The following COL4A2 variants were observed in gnomAD, a reference collection of about 807,000 sequenced individuals.
The protein encoded by COL4A2 is collagen type IV alpha 2 chain, also known as collagen alpha-2(IV) chain.
A neutral mutation model predicts 200.2 loss-of-function variants in COL4A2; 99 were observed. The observed-to-expected ratio is 0.49, with a 90% CI of 0.42 to 0.58. The LOEUF is 0.58. Ranked by LOEUF, COL4A2 falls within the 20% of genes least tolerant of loss-of-function variation. COL4A2 has a pLI of 0.00. For synonymous variants in COL4A2, 897 were observed against 900.6 expected (o/e 1.00, Z 0.07); for missense variants, 1,950 against 2,314.1 (o/e 0.84, Z 3.23).
intron 22 of COL4A2, 168 bp downstream of exon 22, chr13:110,459,102 T>C (rs914357836): frequency 3.3e-6 from 2 of 614,994 alleles, no homozygotes; most frequent in Non-Finnish European, 5.2e-6. Flanking sequence ...AGGCGGACTT[T>C]CTACATGTCC....
chr13:110,511,539 TTG>T (rs1884080813), intron 47 of COL4A2, among the ~76,000 whole-genome samples: 1 of 152,212 alleles, frequency 6.6e-6, no homozygotes, highest in African/African-American at 2.4e-5. Flanking sequence ...AGAGTAAACA[TTG>T]TGTTATCTCT....
Position 110,472,317 on chromosome 13 carries a change from G to T in COL4A2, c.2204-612G>T, listed in dbSNP as rs572797576. Among the ~76,000 whole-genome samples the T allele has an allele frequency of 7.9e-5, 12 of 152,044 alleles. No homozygotes were observed. In the East Asian group the frequency reaches 1.7e-3, roughly 22 times the overall value. On this transcript the variant is annotated intron_variant, in intron 28 of 47. Transcript: ENST00000360467. ...TTTTTAGTAGAGACGAGGTTTCACCGTGTTAGCCAGGATGGTCTCGATCTC... is the reference window on the plus strand; with the variant it reads ...TTTTTAGTAGAGACGAGGTTTCACCTTGTTAGCCAGGATGGTCTCGATCTC...
intron 4 of COL4A2, among the ~76,000 whole-genome samples, chr13:110,388,087 C>T (rs1878835169): frequency 6.6e-6 from 1 of 152,186 alleles, no homozygotes; most frequent in Non-Finnish European, 1.5e-5. Context: ...TAGAGGGAAA[C>T]GCCAAAAGTG....
intron 25 of COL4A2, 139 bp from the exon 26 acceptor site, chr13:110,465,864 T>A (rs374519736): frequency 5.6e-6 from 6 of 1,071,692 alleles, no homozygotes; most frequent in Admixed American, 4.9e-5. Flanking sequence ...GCTTTCCCGT[T>A]CCCTGCCCAT....
At position 110,412,373 on chromosome 13, in the gene COL4A2, C is replaced by G. The variant is rs1289008204; in HGVS notation, c.181-12361C>G. On this transcript the variant is annotated intron_variant, in intron 4 of 47. Coordinates refer to ENST00000360467, the MANE Select transcript of COL4A2 (RefSeq NM_001846.4). ...CTCAAAATCTTTGACATCACTGCCG[C>G]TTGCAAATCTGTGCCTCCAGCCAAG... Among the ~76,000 whole-genome samples, 4 of 152,202 alleles carry G rather than the reference C, an allele frequency of 2.6e-5. No homozygotes were observed. The East Asian group carries it at 7.7e-4, about 29-fold the overall frequency.
intron 4 of COL4A2, among the ~76,000 whole-genome samples, chr13:110,366,717 A>G (rs2139397524): frequency 6.6e-6 from 1 of 152,318 alleles, no homozygotes; most frequent in East Asian, 1.9e-4. Context: ...TCAGAAGGAC[A>G]TGGTTAGTGT....
intron 20 of COL4A2, among the ~76,000 whole-genome samples, chr13:110,451,045 CAAT>C (rs1385661613): frequency 6.6e-6 from 1 of 152,184 alleles, no homozygotes; most frequent in Admixed American, 6.5e-5. Context: ...CCATGAAAGT[CAAT>C]AAAGCCGGCA....
At chr13:110,482,757 AC>A in intron 32 of COL4A2, 98 bp downstream of exon 32, 1 of 1,315,132 alleles carries the variant, frequency 7.6e-7, no homozygotes, top group Non-Finnish European at 1.1e-6. Context: ...ATTTTTGAAA[AC>A]CCATGCATCC....
Position 110,420,891 on chromosome 13 carries a change from C to T in COL4A2, c.181-3843C>T, listed in dbSNP as rs141947274. On this transcript the variant is annotated intron_variant, in intron 4 of 47. Transcript: ENST00000360467. ...AGCAAGGCAGGCTTTACATTGTGCACAGCGGAGAGGGATCCATCTGGGAGG... is the reference window on the plus strand; with the variant it reads ...AGCAAGGCAGGCTTTACATTGTGCATAGCGGAGAGGGATCCATCTGGGAGG... 2.7e-4 allele frequency among the ~76,000 whole-genome samples: 41 copies of T among 152,352 alleles called. 1 individual carries two copies. The East Asian group carries it at 7.1e-3, about 27-fold the overall frequency.
chr13:110,360,865 C>T (rs1273814979), intron 4 of COL4A2, among the ~76,000 whole-genome samples: 1 of 151,582 alleles, frequency 6.6e-6, no homozygotes, highest in East Asian at 2.0e-4. Flanking sequence ...TCTGGCTGTA[C>T]CTGTACCTCT....
intron 3 of COL4A2, among the ~76,000 whole-genome samples, chr13:110,346,177 A>G (rs1230839660): frequency 6.6e-6 from 1 of 152,198 alleles, no homozygotes; most frequent in Non-Finnish European, 1.5e-5. Context: ...ACTTGAAAAG[A>G]AAGAGAACTC....
intron 3 of COL4A2, 59 bp downstream of exon 3, chr13:110,308,182 T>C (rs1884855276): frequency 6.3e-7 from 1 of 1,596,036 alleles, no homozygotes. Context: ...GACGTTTGAG[T>C]GGCCTTGGAG....
At position 110,512,171 on chromosome 13, in the gene COL4A2, G is replaced by T; in HGVS notation, c.5119G>T (p.Val1707Leu). The change falls in exon 48 of 48, where the codon GTG becomes TTG. Residue 1707 changes from valine to leucine, a missense_variant. This residue lies in a region of COL4A2 where 1,385 missense variants were observed against 1,720.5 expected (regional missense o/e 0.80). Coordinates refer to ENST00000360467, the MANE Select transcript of COL4A2 (RefSeq NM_001846.4). ...CCGCACACACATCAGCCGCTGCCAG[G>T]TGTGCATGAAGAACCTGTGAGCCGG... is the stretch of plus-strand genomic sequence containing the variant. ...LIRTHISRCQ[V>L]CMKNL The T allele has an allele frequency of 6.2e-7, 1 of 1,613,048 alleles. No individual in the cohort carries two copies.
At chr13:110,322,488 C>T (rs534829958) in intron 3 of COL4A2, among the ~76,000 whole-genome samples, 3 of 152,250 alleles carry the variant, frequency 2.0e-5, no homozygotes, top group East Asian at 1.9e-4. Flanking sequence ...CCCAGAACTG[C>T]GTGAGATTCC....
At chr13:110,439,758 G>A in intron 15 of COL4A2, 31 bp from the exon 16 acceptor site, 2 of 1,613,790 alleles carry the variant, frequency 1.2e-6, no homozygotes, top group Non-Finnish European at 1.7e-6. Flanking sequence ...CATATTCTGA[G>A]CTGTTTGCTT....
At chr13:110,350,355 A>G (rs1023731718) in intron 3 of COL4A2, among the ~76,000 whole-genome samples, 1 of 152,220 alleles carries the variant, frequency 6.6e-6, no homozygotes, top group Admixed American at 6.5e-5. Flanking sequence ...GAAAAAGAAG[A>G]GCTCTAGAAG....
At chr13:110,469,945 C>T (rs368525174) in intron 28 of COL4A2, among the ~76,000 whole-genome samples, 7 of 123,626 alleles carry the variant, frequency 5.7e-5, no homozygotes, top group Non-Finnish European at 1.1e-4. Flanking sequence ...AATGGAATCT[C>T]GCTCTGTCAC....
At chr13:110,485,960 A>C (rs1883107557) in intron 34 of COL4A2, 124 bp downstream of exon 34, 2 of 1,454,554 alleles carry the variant, frequency 1.4e-6, no homozygotes, top group African/African-American at 1.4e-5. Flanking sequence ...GGGCAGCCTC[A>C]GGCTTGGTGG....
rs113626863 is a variant in COL4A2 at position 110,457,281 on chromosome 13, G to A, written c.1340-62G>A. On this transcript the variant is annotated intron_variant, in intron 20 of 47. Coordinates refer to ENST00000360467, the MANE Select transcript of COL4A2 (RefSeq NM_001846.4). ...GGCGTCCGTGGGGCTGATGCCCTGC[G>A]TCTGCGTGGGACCCCAGGCGTCCGT... 2.5e-4 allele frequency: 208 copies of A among 820,940 alleles called. 2 individuals carry two copies. In the African/African-American group the frequency reaches 3.4e-3, roughly 13 times the overall value. 50.9% of individuals were successfully genotyped at this position (820,940 alleles called of 1,614,324 possible). A position where few individuals can be genotyped will look rare whatever the true frequency, so the allele number is the denominator to read the frequency against.
Sources: allele counts gnomAD v4.1 joint callset (sites outside exome capture counted in the v4.1 genomes callset), GRCh38; gene constraint gnomAD v4.1.1; regional missense constraint gnomAD v4.1.1; transcripts MANE v1.5; gene names NCBI Gene and HGNC (gene_info 2026-07-23, HGNC 2026-07-21).